The following CASP6 variants were observed in gnomAD, a reference collection of about 807,000 sequenced individuals.
CASP6 encodes caspase-6.
CASP6 carries 20 observed loss-of-function variants against 31.8 expected under a neutral mutation model. That is an observed-to-expected ratio of 0.63 (90% CI 0.44 to 0.91). The LOEUF (loss-of-function observed/expected upper bound fraction) is 0.91. CASP6 is among the 40% of genes least tolerant of loss of function. The pLI is 0.00. For synonymous variants in CASP6, 130 were observed against 127.8 expected (o/e 1.02, Z -0.12); for missense variants, 328 against 361.1 (o/e 0.91, Z 0.74).
At chr4:109,665,139 G>T in the CASP6 span, among the ~76,000 whole-genome samples, 2 of 151,980 alleles carry the variant, frequency 1.3e-5, no homozygotes, top group South Asian at 4.2e-4. Context: ...TTTACATTAG[G>T]GTTTACTCTT....
chr4:109,686,535 T>A (rs1357410001), downstream of CASP6, among the ~76,000 whole-genome samples: 2 of 152,236 alleles, frequency 1.3e-5, no homozygotes, highest in Non-Finnish European at 2.9e-5. Context: ...TATATTTGAA[T>A]AATCCTATCT....
chr4:109,698,441 C>A, intron 1 of CASP6, 99 bp from the exon 2 acceptor site: 3 of 1,012,014 alleles, frequency 3.0e-6, no homozygotes, highest in South Asian at 1.6e-5. Flanking sequence ...ACTCTTAAGA[C>A]CCTTCTGTTT....
At chr4:109,688,178 C>T (rs940195292), downstream of CASP6, 2 of 152,222 alleles carry the variant, frequency 1.3e-5, no homozygotes, top group African/African-American at 4.8e-5. Context: ...ACCTGCAAAT[C>T]ACAAGTTTCA....
At chr4:109,695,244 G>A (rs1286538074) in intron 4 of CASP6, among the ~76,000 whole-genome samples, 1 of 152,132 alleles carries the variant, frequency 6.6e-6, no homozygotes, top group Non-Finnish European at 1.5e-5. Context: ...AAAGTTCAGA[G>A]TAATAGAGTT....
At chr4:109,691,085 G>C (rs1029832388) in intron 5 of CASP6, 76 bp from the exon 6 acceptor site, 6 of 1,451,556 alleles carry the variant, frequency 4.1e-6, no homozygotes, top group Non-Finnish European at 5.5e-6. Context: ...CAGTGAATGT[G>C]TAAGCCAGTA....
intron 6 of CASP6, among the ~76,000 whole-genome samples, chr4:109,689,960 A>T (rs1729984109): frequency 6.6e-6 from 1 of 151,528 alleles, no homozygotes; most frequent in Admixed American, 6.6e-5. Flanking sequence ...TGAGGCAGGC[A>T]GATCACTTGA....
At chr4:109,699,802 C>T (rs527408334) in intron 1 of CASP6, among the ~76,000 whole-genome samples, 1 of 152,342 alleles carries the variant, frequency 6.6e-6, no homozygotes, top group Admixed American at 6.5e-5. Context: ...ACACACTGCT[C>T]TATGAAGACA....
At chr4:109,669,483 A>G in the CASP6 span, among the ~76,000 whole-genome samples, 4 of 152,032 alleles carry the variant, frequency 2.6e-5, no homozygotes, top group East Asian at 5.8e-4. Context: ...TGAAAATGAT[A>G]TACGTATGTG....
chr4:109,705,980 A>AT (rs1336684037), upstream of CASP6, among the ~76,000 whole-genome samples: 6 of 45,606 alleles, frequency 1.3e-4, no homozygotes, highest in African/African-American at 6.7e-4. Context: ...TCTTTAAAAA[A>AT]AAAAAAAAAA....
At chr4:109,670,470 C>T in the CASP6 span, among the ~76,000 whole-genome samples, 18 of 152,138 alleles carry the variant, frequency 1.2e-4, no homozygotes, top group Non-Finnish European at 2.1e-4. Context: ...TTAATCCCAG[C>T]ACTTTGAGAG....
At chr4:109,708,582 T>A (rs1483775644), upstream of CASP6, among the ~76,000 whole-genome samples, 1 of 152,214 alleles carries the variant, frequency 6.6e-6, no homozygotes, top group Non-Finnish European at 1.5e-5. Flanking sequence ...TCCTTTGGCC[T>A]CACTTTCAGG....
chr4:109,667,150 T>C, the CASP6 span, among the ~76,000 whole-genome samples: 1 of 152,134 alleles, frequency 6.6e-6, no homozygotes, highest in Non-Finnish European at 1.5e-5. Context: ...TGAAAGAGAT[T>C]GTAGATAATT....
rs2126154837 is a variant in CASP6, at chr4:109,688,928, T to C, written c.*402A>G. ...ATTAAACTTTAAAACATTTGAATCA[T>C]TAGACCATAATGCTTCACCCTAACG... is the stretch of plus-strand genomic sequence containing the variant. On this transcript the variant is annotated 3_prime_UTR_variant, in exon 7 of 7. Transcript: ENST00000265164. The C allele has an allele frequency of 6.3e-6, 1 of 157,732 alleles. No individual in the cohort carries two copies. Among genetic ancestry groups the C allele is most frequent in the Non-Finnish European group, 1.4e-5 (1 of 71,184 alleles). 9.8% of individuals were successfully genotyped at this position (157,732 alleles called of 1,614,324 possible). A position where few individuals can be genotyped will look rare whatever the true frequency, so the allele number is the denominator to read the frequency against.
At chr4:109,685,223 T>G (rs3212156), downstream of CASP6, 2 of 910,664 alleles carry the variant, frequency 2.2e-6, no homozygotes, top group Non-Finnish European at 3.5e-6. Context: ...AAACATGTTG[T>G]TTTCTTCTCT....
rs762184088 is a variant in CASP6, at chr4:109,697,747, T to C, written c.105A>G (p.Glu35=). The C allele has an allele frequency of 2.0e-5, 33 of 1,613,254 alleles. No individual in the cohort carries two copies. Among genetic ancestry groups the C allele is most frequent in the Non-Finnish European group, 2.8e-5 (33 of 1,179,750 alleles). Residue 35 remains glutamate, a synonymous_variant, in exon 3 of 7, where the codon GAA becomes GAG. Transcript: ENST00000265164. The part of the protein sequence containing the change: ...FYKREMFDPA[E]KYKMDHRRRG... ...TCCTCCTGTGGTCCATTTTGTACTT[T>C]TCTGCCGGATCAAACATTTCTCTGT...
chr4:109,674,879 A>G, the CASP6 span, among the ~76,000 whole-genome samples: 3 of 152,386 alleles, frequency 2.0e-5, no homozygotes, highest in East Asian at 5.8e-4. Flanking sequence ...TATTTTTTAC[A>G]TAAGAATTGT....
At chr4:109,686,024 A>G (rs541861085), downstream of CASP6, among the ~76,000 whole-genome samples, 40 of 152,364 alleles carry the variant, frequency 2.6e-4, no homozygotes, top group African/African-American at 9.4e-4. Context: ...TGCTCAATGC[A>G]TGCTTGTTTA....
At chr4:109,678,672 C>T in the CASP6 span, among the ~76,000 whole-genome samples, 194 of 142,618 alleles carry the variant, frequency 1.4e-3, no homozygotes, top group African/African-American at 4.8e-3. Flanking sequence ...TCAGATGGGG[C>T]GGCCAGGCAG....
rs1361324521 is a variant in CASP6 at position 109,689,288 on chromosome 4, C to T, written c.*42G>A. ...GAGTAACCACGCCTGGCTGAGAAAG[C>T]CATTTTCAATACAGAGTGTAAAATT... On this transcript the variant is annotated 3_prime_UTR_variant, in exon 7 of 7. Transcript: ENST00000265164. 6.3e-7 allele frequency: 1 copy of T among 1,582,106 alleles called. No individual in the cohort carries two copies. Among genetic ancestry groups the T allele is most frequent in the East Asian group, 2.2e-5 (1 of 44,552 alleles).
Sources: allele counts gnomAD v4.1 joint callset (sites outside exome capture counted in the v4.1 genomes callset), GRCh38; gene constraint gnomAD v4.1.1; transcripts MANE v1.5; gene names NCBI Gene and HGNC (gene_info 2026-07-23, HGNC 2026-07-21).